PRRT1: variants seen among roughly 807,000 people sequenced by gnomAD.
PRRT1 encodes the protein proline rich transmembrane protein 1.
A neutral mutation model predicts 22.6 loss-of-function variants in PRRT1; 8 were observed. That is an observed-to-expected ratio of 0.35 (90% CI 0.21 to 0.64). PRRT1 has a LOEUF of 0.64. Among genes scored for constraint, PRRT1 ranks in the 30% least tolerant of loss-of-function variants. The pLI, the probability that PRRT1 is intolerant of heterozygous loss-of-function variation, is 0.69. For missense variants in PRRT1, 315 were observed against 444.5 expected, an observed-to-expected ratio of 0.71 and a Z score of 2.62; for synonymous variants, 176 against 203.6, an observed-to-expected ratio of 0.86 and a Z score of 1.15.
In PRRT1 at chr6:32,149,454, C is replaced by T. The variant is rs1240823398; in HGVS notation, c.745-56G>A. The T allele has an allele frequency of 6.3e-7, 1 of 1,599,444 alleles. No homozygotes were observed. Among genetic ancestry groups the T allele is most frequent in the East Asian group, 2.2e-5 (1 of 44,536 alleles). ...AAGAGCTGCGGCCTCGTTCGAACGC[C>T]TCAGCCTTTCTCTAAGATGGTCCCC... is the stretch of plus-strand genomic sequence containing the variant. On this transcript the variant is annotated intron_variant, in intron 3 of 3. Coordinates refer to ENST00000211413, the MANE Select transcript of PRRT1 (RefSeq NM_030651.4). The surrounding 1 kb of genome is among the most constrained non-coding windows in gnomAD (Gnocchi z 8.7).
rs371770114 is a variant in PRRT1, at chr6:32,148,718, C to T, written c.*504G>A. 2 of 452,294 alleles carry T rather than the reference C, an allele frequency of 4.4e-6. No homozygotes were observed. Among genetic ancestry groups the T allele is most frequent in the African/African-American group, 4.0e-5 (2 of 49,960 alleles). The allele number at this position is 452,294 out of a possible 1,614,324, so 28.0% of individuals were successfully genotyped here. A position where few individuals can be genotyped will look rare whatever the true frequency, so the allele number is the denominator to read the frequency against. ...ACAGGAGTGTGGGGGCCTTACTACC[C>T]CAGGGCTCGGTCCTTTTGCCGGAAG... On this transcript the variant is annotated 3_prime_UTR_variant, in exon 4 of 4. Transcript: ENST00000211413. This position sits in a 1 kb window ranked among gnomAD's most constrained non-coding sequence, Gnocchi z 5.7.
intron 1 of PRRT1, chr6:32,151,341 C>T: frequency 2.4e-6 from 1 of 418,750 alleles, no homozygotes; most frequent in East Asian, 5.1e-5. Context: ...ATGTGTTCCA[C>T]TCTGCTGTTC....
chr6:32,151,834 G>C lies in PRRT1; in HGVS notation c.-7C>G. 1 of 1,610,504 alleles carries C rather than the reference G, an allele frequency of 6.2e-7. No individual in the cohort carries two copies. Among genetic ancestry groups the C allele is most frequent in the South Asian group, 1.1e-5 (1 of 90,934 alleles). ...CTGACTTTTCGGATGACATGCCTGC[G>C]GTCTCGCTGGGACAGGGTCCCTGCA... On this transcript the variant is annotated 5_prime_UTR_variant, in exon 1 of 4. Transcript: ENST00000211413.
chr6:32,151,955 G>T (rs1174340310), upstream of PRRT1: 13 of 313,678 alleles, frequency 4.1e-5, no homozygotes, highest in Non-Finnish European at 6.8e-5. Context: ...CAGCGGCGGG[G>T]GGGGGGGGCG....
In PRRT1 at chr6:32,150,548, C is replaced by T. The variant is rs1783202895; in HGVS notation, c.378G>A (p.Pro126=). 5 of 1,361,418 alleles carry T rather than the reference C, an allele frequency of 3.7e-6. No individual in the cohort carries two copies. Among genetic ancestry groups the T allele is most frequent in the South Asian group, 1.9e-5 (1 of 52,376 alleles). The allele number at this position is 1,361,418 out of a possible 1,614,324, so 84.3% of individuals were successfully genotyped here. ...TRFEGPLPPP[P]PAAAAPPPPA... is the part of the protein sequence containing the mutation. The stretch of plus-strand genomic sequence containing the variant: ...GCGGGGGCGGGGCGGCGGCAGCGGG[C>T]GGCGGCGGGGGAAGTGGGCCCTCGA... The change falls in exon 2 of 4, where the codon CCG becomes CCA. Residue 126 remains proline, a synonymous_variant. Transcript: ENST00000211413. This position sits in a 1 kb window ranked among gnomAD's most constrained non-coding sequence, Gnocchi z 7.2.
In PRRT1 at chr6:32,148,550, C is replaced by T. The variant is rs897490462; in HGVS notation, c.*672G>A. On this transcript the variant is annotated 3_prime_UTR_variant, in exon 4 of 4. Coordinates refer to ENST00000211413, the MANE Select transcript of PRRT1 (RefSeq NM_030651.4). This position sits in a 1 kb window ranked among gnomAD's most constrained non-coding sequence, Gnocchi z 5.7. ...GGAGTATTTACAGAGCGTTTACAGG[C>T]AGGTTTCTTATCCCAGGGAGAAGGG... 2 of 330,570 alleles carry T rather than the reference C, an allele frequency of 6.1e-6. No homozygotes were observed. Among genetic ancestry groups the T allele is most frequent in the African/African-American group, 2.2e-5 (1 of 46,310 alleles). The allele number at this position is 330,570 out of a possible 1,614,324, so 20.5% of individuals were successfully genotyped here.
In PRRT1 at chr6:32,148,838, C is replaced by T. The variant is rs984205202; in HGVS notation, c.*384G>A. 3.8e-6 allele frequency: 2 copies of T among 527,326 alleles called. No individual in the cohort carries two copies. The highest frequency in any genetic ancestry group is 7.3e-6 in the Non-Finnish European group (2 of 273,358). The allele number at this position is 527,326 out of a possible 1,614,324, so 32.7% of individuals were successfully genotyped here. A position where few individuals can be genotyped will look rare whatever the true frequency, so the allele number is the denominator to read the frequency against. On this transcript the variant is annotated 3_prime_UTR_variant, in exon 4 of 4. Coordinates refer to ENST00000211413, the MANE Select transcript of PRRT1 (RefSeq NM_030651.4). The surrounding 1 kb of genome is among the most constrained non-coding windows in gnomAD (Gnocchi z 5.7). ...CCGCGGAGAAGAAAAGAAGGCGGAG[C>T]CTGCCGACCTGGAGGCGGGGTTTTG...
chr6:32,151,998 G>GGGGGGGGT, upstream of PRRT1: 3 of 376,816 alleles, frequency 8.0e-6, no homozygotes, highest in Non-Finnish European at 1.6e-5. Flanking sequence ...CGGGGAGGGG[G>GGGGGGGGT]GGAGCTTAAA....
At chr6:32,151,640 G>A (rs1582589328) in intron 1 of PRRT1, 169 bp downstream of exon 1, 4 of 614,760 alleles carry the variant, frequency 6.5e-6, no homozygotes, top group Non-Finnish European at 1.2e-5. Flanking sequence ...GAAAGGAAGA[G>A]AAAGGGGGAG....
upstream of PRRT1, chr6:32,151,999 G>GAGA: frequency 2.7e-6 from 1 of 371,720 alleles, no homozygotes; most frequent in Non-Finnish European, 5.4e-6. Context: ...GGGGAGGGGG[G>GAGA]GAGCTTAAAG....
chr6:32,150,986 G>C lies in PRRT1; in HGVS notation c.20-80C>G, dbSNP rs1339280626. On this transcript the variant is annotated intron_variant, in intron 1 of 3. Transcript: ENST00000211413. This position sits in a 1 kb window ranked among gnomAD's most constrained non-coding sequence, Gnocchi z 7.2. Reference sequence around the variant, plus strand: ...TGAGGAGGGGGTAAGGGGAAACACAGCCGGTCAGGGATGGAGAAAGATAAT... The same window carrying C: ...TGAGGAGGGGGTAAGGGGAAACACACCCGGTCAGGGATGGAGAAAGATAAT... 2 of 1,131,804 alleles carry C rather than the reference G, an allele frequency of 1.8e-6. No homozygotes were observed. The highest frequency in any genetic ancestry group is 3.1e-5 in the African/African-American group (2 of 65,482). The allele number at this position is 1,131,804 out of a possible 1,614,324, so 70.1% of individuals were successfully genotyped here.
chr6:32,151,987 G>C, upstream of PRRT1: 1 of 205,866 alleles, frequency 4.9e-6, no homozygotes, highest in South Asian at 3.0e-5. Flanking sequence ...CGGAGGGAGA[G>C]CGGGGAGGGG....
chr6:32,152,691 C>A, upstream of PRRT1: 1 of 156,816 alleles, frequency 6.4e-6, no homozygotes, highest in South Asian at 1.9e-4. Flanking sequence ...GCTTTTGAGG[C>A]TGCTTAGAGT....
chr6:32,151,985 G>GGGGGGGGGGGGGGGGGGGGGTT, upstream of PRRT1: 1 of 191,682 alleles, frequency 5.2e-6, no homozygotes, highest in South Asian at 3.2e-5. Context: ...GGCGGAGGGA[G>GGGGGGGGGGGGGGGGGGGGGTT]AGCGGGGAGG....
At position 32,148,396 on chromosome 6, in the gene PRRT1, G is replaced by A. The variant is rs2127375180; in HGVS notation, c.*826C>T. Reference sequence around the variant, plus strand: ...GTCTCTTTAATATTGTCTTTCAGAAGTTCACACACACTCACACACAGATCA... The same window carrying A: ...GTCTCTTTAATATTGTCTTTCAGAAATTCACACACACTCACACACAGATCA... On this transcript the variant is annotated 3_prime_UTR_variant, in exon 4 of 4. Transcript: ENST00000211413. This position sits in a 1 kb window ranked among gnomAD's most constrained non-coding sequence, Gnocchi z 5.7. 6.1e-6 allele frequency: 1 copy of A among 164,908 alleles called. No homozygotes were observed. Among genetic ancestry groups the A allele is most frequent in the Non-Finnish European group, 1.3e-5 (1 of 74,136 alleles). 10.2% of individuals were successfully genotyped at this position (164,908 alleles called of 1,614,324 possible). A position where few individuals can be genotyped will look rare whatever the true frequency, so the allele number is the denominator to read the frequency against.
upstream of PRRT1, among the ~76,000 whole-genome samples, chr6:32,152,450 T>C (rs1561805218): frequency 6.6e-6 from 1 of 152,010 alleles, no homozygotes; most frequent in East Asian, 1.9e-4. Context: ...GTTCCCAGGG[T>C]TTGGTGAACC....
chr6:32,151,199 C>G, intron 1 of PRRT1: 1 of 653,696 alleles, frequency 1.5e-6, no homozygotes, highest in Non-Finnish European at 2.8e-6. Flanking sequence ...CAGACCTAAT[C>G]CCCTCTCCTT....
upstream of PRRT1, chr6:32,152,898 A>AG (rs913884003): frequency 1.5e-5 from 2 of 130,350 alleles, no homozygotes; most frequent in African/African-American, 3.2e-5. Context: ...GATTTACACC[A>AG]GTTTTTTTTT....
intron 1 of PRRT1, chr6:32,151,505 T>A: frequency 1.9e-6 from 1 of 525,586 alleles, no homozygotes; most frequent in Non-Finnish European, 3.4e-6. Context: ...TGCCAGCCAG[T>A]GATTGTCCAT....
Sources: gnomAD v4.1 joint callset for allele counts (sites outside exome capture counted in the v4.1 genomes callset) on GRCh38, gnomAD v4.1.1 for gene constraint, Gnocchi (gnomAD v3.1) non-coding constraint, MANE v1.5 for transcripts, NCBI Gene and HGNC (gene_info 2026-07-23, HGNC 2026-07-21) for gene names.